Variants in ASPRV1 observed in about 807,000 individuals in gnomAD.
ASPRV1 encodes the protein retroviral-like aspartic protease 1.
Under a neutral mutation model 11.0 loss-of-function variants are expected in ASPRV1, and 7 were observed. The observed-to-expected ratio is 0.64, with a 90% CI of 0.36 to 1.20. The LOEUF is 1.20. Among genes scored for constraint, ASPRV1 ranks in the 50% most tolerant of loss-of-function variants. The probability of loss-of-function intolerance (pLI) is 0.02; values close to 1 mark genes in which losing one functional copy is unlikely to be tolerated. For missense variants in ASPRV1, 299 were observed against 320.0 expected, an observed-to-expected ratio of 0.93 and a Z score of 0.50; for synonymous variants, 136 against 138.4, an observed-to-expected ratio of 0.98 and a Z score of 0.12.
At chr2:70,018,097 G>A in the ASPRV1 span, 2 of 151,614 alleles carry the variant, frequency 1.3e-5, no homozygotes, top group East Asian at 1.9e-4. Flanking sequence ...TCGAGATCAC[G>A]CCACTCCAGC....
the ASPRV1 span, among the ~76,000 whole-genome samples, chr2:70,083,890 C>G: frequency 1.3e-5 from 2 of 152,150 alleles, no homozygotes; most frequent in African/African-American, 4.8e-5. Flanking sequence ...AGTCTCAGAG[C>G]TAGACAGGGG....
chr2:70,045,061 A>G, the ASPRV1 span, among the ~76,000 whole-genome samples: 3 of 152,176 alleles, frequency 2.0e-5, no homozygotes, highest in Non-Finnish European at 4.4e-5. Flanking sequence ...CAGCATCTCT[A>G]TATATAGAAT....
At chr2:70,076,370 G>A in the ASPRV1 span, among the ~76,000 whole-genome samples, 1 of 152,132 alleles carries the variant, frequency 6.6e-6, no homozygotes, top group African/African-American at 2.4e-5. Flanking sequence ...ATTTCTCTAA[G>A]CCTTTGTTTA....
At chr2:70,052,008 T>C in the ASPRV1 span, among the ~76,000 whole-genome samples, 1 of 152,034 alleles carries the variant, frequency 6.6e-6, no homozygotes, top group South Asian at 2.1e-4. Context: ...CATTCTATGA[T>C]ATAGAATGAG....
the ASPRV1 span, among the ~76,000 whole-genome samples, chr2:69,934,896 A>G: frequency 1.1e-4 from 16 of 152,360 alleles, no homozygotes; most frequent in East Asian, 3.1e-3. Context: ...GCTTCAACAA[A>G]TAACTCCACA....
the ASPRV1 span, among the ~76,000 whole-genome samples, chr2:70,059,418 A>G: frequency 2.0e-5 from 3 of 151,968 alleles, no homozygotes; most frequent in Admixed American, 1.3e-4. Context: ...CCTTAGATAC[A>G]TCAGGGTTCA....
the ASPRV1 span, among the ~76,000 whole-genome samples, chr2:70,086,797 A>G: frequency 6.6e-6 from 1 of 152,258 alleles, no homozygotes; most frequent in African/African-American, 2.4e-5. Flanking sequence ...CATTCTTTTT[A>G]GGACCACGTT....
chr2:70,046,116 A>C, the ASPRV1 span: 1 of 152,332 alleles, frequency 6.6e-6, no homozygotes, highest in African/African-American at 2.4e-5. Context: ...ACAGGTCCAG[A>C]ATAGAACTTG....
the ASPRV1 span, chr2:70,011,526 G>A: frequency 6.6e-6 from 1 of 152,550 alleles, no homozygotes; most frequent in East Asian, 1.9e-4. Context: ...AAGGGGAGGA[G>A]GACTCCTGGG....
At chr2:70,046,658 C>T in the ASPRV1 span, 3 of 152,118 alleles carry the variant, frequency 2.0e-5, no homozygotes, top group African/African-American at 7.2e-5. Context: ...AGAAGCCAAA[C>T]ACCCCTGGGG....
the ASPRV1 span, among the ~76,000 whole-genome samples, chr2:70,020,728 A>C: frequency 1.3e-5 from 2 of 152,076 alleles, no homozygotes; most frequent in African/African-American, 2.4e-5. Flanking sequence ...GGCAAAAAAA[A>C]CAAAAAAGAC....
At chr2:69,959,458 T>C (rs566519627), downstream of ASPRV1, among the ~76,000 whole-genome samples, 1 of 152,054 alleles carries the variant, frequency 6.6e-6, no homozygotes, top group South Asian at 2.1e-4. Context: ...AAACAGAAAT[T>C]TGGAAGCAAA....
the ASPRV1 span, among the ~76,000 whole-genome samples, chr2:70,039,118 TA>T: frequency 6.6e-6 from 1 of 150,478 alleles, no homozygotes; most frequent in Non-Finnish European, 1.5e-5. Context: ...ATGTGGGTGA[TA>T]TGAATAATGA....
At chr2:69,983,209 A>G in the ASPRV1 span, among the ~76,000 whole-genome samples, 3 of 152,076 alleles carry the variant, frequency 2.0e-5, no homozygotes, top group South Asian at 6.2e-4. Flanking sequence ...GTGAGCCACC[A>G]TGTCTGGCTG....
the ASPRV1 span, among the ~76,000 whole-genome samples, chr2:70,074,288 C>T: frequency 6.7e-6 from 1 of 148,444 alleles, no homozygotes; most frequent in Non-Finnish European, 1.5e-5. Flanking sequence ...CCATCTAGAG[C>T]AACTGCTTTT....
At chr2:69,973,642 C>T in the ASPRV1 span, among the ~76,000 whole-genome samples, 1 of 152,242 alleles carries the variant, frequency 6.6e-6, no homozygotes, top group African/African-American at 2.4e-5. Flanking sequence ...GCCACTGCAC[C>T]TGGCCAGAAC....
chr2:69,938,482 G>A, the ASPRV1 span: 7 of 569,722 alleles, frequency 1.2e-5, no homozygotes, highest in South Asian at 2.2e-5. Flanking sequence ...TCTTTTTCTC[G>A]CCATAAAAAT....
chr2:69,987,670 A>G, the ASPRV1 span, among the ~76,000 whole-genome samples: 2 of 151,898 alleles, frequency 1.3e-5, no homozygotes, highest in Admixed American at 6.6e-5. Context: ...AGATCACTTG[A>G]GCCCATGAGT....
At chr2:70,054,892 T>C in the ASPRV1 span, among the ~76,000 whole-genome samples, 190 of 152,290 alleles carry the variant, frequency 1.2e-3, 1 homozygote, top group Non-Finnish European at 2.1e-3. Flanking sequence ...TTAACTAAGA[T>C]ATTATTTAAC....
Sources: gnomAD v4.1 joint callset for allele counts (sites outside exome capture counted in the v4.1 genomes callset) on GRCh38, gnomAD v4.1.1 for gene constraint, MANE v1.5 for transcripts, NCBI Gene and HGNC (gene_info 2026-07-23, HGNC 2026-07-21) for gene names.